Variants in ZNF385D observed in about 807,000 individuals in gnomAD.
ZNF385D encodes the protein zinc finger protein 385D.
Under a neutral mutation model 35.8 loss-of-function variants are expected in ZNF385D, and 15 were observed. The ratio of observed to expected loss-of-function variants is 0.42; its 90% CI spans 0.28 to 0.64. ZNF385D has a LOEUF of 0.64. Among genes scored for constraint, ZNF385D ranks in the 30% least tolerant of loss-of-function variants. The pLI, the probability that ZNF385D is intolerant of heterozygous loss-of-function variation, is 0.23. For missense variants in ZNF385D, 474 were observed against 494.6 expected (o/e 0.96, Z 0.39); for synonymous variants, 212 against 186.8 (o/e 1.13, Z -1.10).
At chr3:21,467,972 G>A (rs1703622632) in intron 4 of ZNF385D, among the ~76,000 whole-genome samples, 1 of 152,038 alleles carries the variant, frequency 6.6e-6, no homozygotes, top group Admixed American at 6.6e-5. Flanking sequence ...AATAAGACTT[G>A]TCTACGGGAA....
intron 3 of ZNF385D, among the ~76,000 whole-genome samples, chr3:21,974,203 A>C (rs1292411396): frequency 6.6e-6 from 1 of 152,104 alleles, no homozygotes; most frequent in Non-Finnish European, 1.5e-5. Context: ...GGAAAACAGT[A>C]TGGTACTGGC....
chr3:21,723,861 G>C (rs1402662351), intron 1 of ZNF385D, among the ~76,000 whole-genome samples: 3 of 152,040 alleles, frequency 2.0e-5, no homozygotes, highest in Non-Finnish European at 4.4e-5. Flanking sequence ...GATTTACCAT[G>C]GTGGAAATGA....
rs776772084 is a variant in ZNF385D, at chr3:21,425,453, C to T, written c.852+39G>A. On this transcript the variant is annotated intron_variant, in intron 6 of 7. Transcript: ENST00000281523. ...ACACACATCCTGCTTATAAGGCTGT[C>T]CCTTGTTGGTTTTCATTCCTAGAAT... The T allele has an allele frequency of 2.5e-5, 39 of 1,536,556 alleles. 1 individual carries two copies. Among genetic ancestry groups the T allele is most frequent in the South Asian group, 2.2e-4 (17 of 78,920 alleles).
At chr3:22,080,508 G>A (rs142575141) in intron 3 of ZNF385D, among the ~76,000 whole-genome samples, 176 of 151,670 alleles carry the variant, frequency 1.2e-3, no homozygotes, top group Non-Finnish European at 1.9e-3. Context: ...ACCAATAAGC[G>A]GCCACTCAGT....
chr3:21,931,242 A>G (rs1264204642), intron 3 of ZNF385D, among the ~76,000 whole-genome samples: 1 of 152,220 alleles, frequency 6.6e-6, no homozygotes, highest in Non-Finnish European at 1.5e-5. Context: ...TCACAATGAT[A>G]TATAATTTTT....
At chr3:22,020,011 G>A (rs1311421875) in intron 3 of ZNF385D, among the ~76,000 whole-genome samples, 1 of 151,668 alleles carries the variant, frequency 6.6e-6, no homozygotes, top group Non-Finnish European at 1.5e-5. Context: ...TAAATGCTTT[G>A]TTTTAATAAT....
At chr3:21,984,886 C>T (rs1310630168) in intron 3 of ZNF385D, among the ~76,000 whole-genome samples, 1 of 139,856 alleles carries the variant, frequency 7.2e-6, no homozygotes, top group Non-Finnish European at 1.6e-5. Flanking sequence ...CTTCACGTCC[C>T]TTGTAAGTTG....
chr3:22,133,573 G>C (rs1288427681), intron 3 of ZNF385D: 1 of 151,980 alleles, frequency 6.6e-6, no homozygotes, highest in Non-Finnish European at 1.5e-5. Context: ...CAAGTAATAA[G>C]CACATTACTT....
intron 2 of ZNF385D, among the ~76,000 whole-genome samples, chr3:21,623,542 CA>C (rs1333617866): frequency 6.6e-6 from 1 of 151,906 alleles, no homozygotes; most frequent in African/African-American, 2.4e-5. Flanking sequence ...AGTCAGGAGG[CA>C]GAAGTGGGAA....
At chr3:21,625,040 T>C (rs1431741216) in intron 2 of ZNF385D, among the ~76,000 whole-genome samples, 10 of 152,018 alleles carry the variant, frequency 6.6e-5, no homozygotes, top group Admixed American at 6.6e-4. Flanking sequence ...CTCCCAAATA[T>C]TTTCTTTGAT....
In ZNF385D at chr3:22,003,619, C is replaced by A. The variant is rs117882354; in HGVS notation, c.325+165198G>T. ...CAGTAGCTCACCCCTGTAATGTCAG[C>A]ACTTTTGGAGGCCAAGGTGAGTGGA... is the stretch of plus-strand genomic sequence containing the variant. On this transcript the variant is annotated intron_variant, in intron 3 of 5. Transcript: ENST00000494108. Among the ~76,000 whole-genome samples the A allele has an allele frequency of 5.7e-3, 875 of 152,226 alleles. 33 individuals are homozygous for A. In the East Asian group the frequency reaches 0.12, roughly 20 times the overall value.
At chr3:22,365,981 G>A (rs1391821307) in intron 2 of ZNF385D, among the ~76,000 whole-genome samples, 1 of 151,936 alleles carries the variant, frequency 6.6e-6, no homozygotes, top group Non-Finnish European at 1.5e-5. Flanking sequence ...GGGGATTCAG[G>A]ATTTTTATTT....
intron 3 of ZNF385D, among the ~76,000 whole-genome samples, chr3:22,147,450 G>C (rs1226715979): frequency 2.0e-5 from 3 of 152,138 alleles, no homozygotes; most frequent in Admixed American, 6.5e-5. Flanking sequence ...AACTGGGAAA[G>C]AGATATTCTC....
chr3:21,466,059 T>C (rs1285001350), intron 4 of ZNF385D, among the ~76,000 whole-genome samples: 1 of 152,198 alleles, frequency 6.6e-6, no homozygotes, highest in East Asian at 1.9e-4. Flanking sequence ...TTTTGTCTAA[T>C]ACTGAATTGT....
intron 2 of ZNF385D, among the ~76,000 whole-genome samples, chr3:22,231,705 G>T (rs1198583447): frequency 1.3e-5 from 2 of 152,044 alleles, no homozygotes; most frequent in African/African-American, 2.4e-5. Context: ...CCAATCCTGG[G>T]GCAAGGAGCA....
chr3:22,336,861 A>G (rs1695179563), intron 2 of ZNF385D, among the ~76,000 whole-genome samples: 1 of 142,568 alleles, frequency 7.0e-6, no homozygotes, highest in African/African-American at 2.5e-5. Flanking sequence ...TACAGACATA[A>G]TGGTAATGAA....
chr3:21,678,711 G>C (rs912611314), intron 1 of ZNF385D, among the ~76,000 whole-genome samples: 1 of 152,050 alleles, frequency 6.6e-6, no homozygotes, highest in Non-Finnish European at 1.5e-5. Context: ...AATGCCTGCT[G>C]AGAGGGGAGA....
At chr3:21,452,303 A>G (rs373450698) in intron 4 of ZNF385D, among the ~76,000 whole-genome samples, 3 of 152,016 alleles carry the variant, frequency 2.0e-5, no homozygotes, top group African/African-American at 7.2e-5. Context: ...AGTTCTCTCA[A>G]TTTTGCCCCA....
chr3:22,045,407 T>C (rs1375616317), intron 3 of ZNF385D, among the ~76,000 whole-genome samples: 2 of 152,084 alleles, frequency 1.3e-5, no homozygotes. Context: ...GGAGATGATA[T>C]CCAGAACTGA....
Sources: gnomAD v4.1 joint callset for allele counts (sites outside exome capture counted in the v4.1 genomes callset) on GRCh38, gnomAD v4.1.1 for gene constraint, MANE v1.5 for transcripts, NCBI Gene and HGNC (gene_info 2026-07-23, HGNC 2026-07-21) for gene names.